Variants in TVP23C observed in about 807,000 individuals in gnomAD.
TVP23C encodes trans-golgi network vesicle protein 23 homolog C, also known as Golgi apparatus membrane protein TVP23 homolog C.
A neutral mutation model predicts 28.7 loss-of-function variants in TVP23C; 19 were observed. The ratio of observed to expected loss-of-function variants is 0.66; its 90% CI spans 0.46 to 0.97. The LOEUF is 0.97. TVP23C is among the 50% of genes least tolerant of loss of function. The probability of loss-of-function intolerance (pLI) is 0.00; values close to 1 mark genes in which losing one functional copy is unlikely to be tolerated. For missense variants in TVP23C, 186 were observed against 241.3 expected, an observed-to-expected ratio of 0.77 and a Z score of 1.52; for synonymous variants, 68 against 81.7, an observed-to-expected ratio of 0.83 and a Z score of 0.90.
downstream of TVP23C, among the ~76,000 whole-genome samples, chr17:15,532,397 G>A (rs1357526408): frequency 6.6e-6 from 1 of 152,140 alleles, no homozygotes; most frequent in Admixed American, 6.5e-5. Context: ...GGGGCGTCTT[G>A]GATAACTCCA....
chr17:15,557,126 AG>A (rs1984168745), intron 1 of TVP23C, among the ~76,000 whole-genome samples: 1 of 149,310 alleles, frequency 6.7e-6, no homozygotes, highest in South Asian at 2.2e-4. Flanking sequence ...CAAGTTTTTT[AG>A]CTCAAATACT....
Position 15,538,630 on chromosome 17 carries a change from G to T in TVP23C, c.*1782C>A. On this transcript the variant is annotated 3_prime_UTR_variant, in exon 6 of 6. Coordinates refer to ENST00000518321, the MANE Select transcript of TVP23C (RefSeq NM_001135036.2). ...AATAAAAAAGTAGACATGCGCTAAT[G>T]AAGTAAATCCATGGATACCATCATC... 1 of 985,272 alleles carries T rather than the reference G, an allele frequency of 1.0e-6. No individual in the cohort carries two copies. Among genetic ancestry groups the T allele is most frequent in the Non-Finnish European group, 1.2e-6 (1 of 829,874 alleles). The allele number at this position is 985,272 out of a possible 1,614,324, so 61.0% of individuals were successfully genotyped here. A position where few individuals can be genotyped will look rare whatever the true frequency, so the allele number is the denominator to read the frequency against.
At chr17:15,502,806 T>TC (rs1385759331) in exon 6 of TVP23C, 99 of 1,453,600 alleles carry the variant, frequency 6.8e-5, no homozygotes, top group African/African-American at 6.0e-4. Flanking sequence ...CTCTCCTCTC[T>TC]CTCCTCTCTC....
chr17:15,555,464 T>G (rs1984089730), intron 1 of TVP23C, 100 bp from the exon 2 acceptor site: 1 of 1,511,678 alleles, frequency 6.6e-7, no homozygotes, highest in Admixed American at 1.9e-5. Context: ...GAAGATAAAA[T>G]AATGTGGTTA....
chr17:15,552,059 C>G (rs988158818), intron 3 of TVP23C, among the ~76,000 whole-genome samples: 2 of 152,080 alleles, frequency 1.3e-5, no homozygotes, highest in African/African-American at 2.4e-5. Flanking sequence ...AGAAAATAAA[C>G]TATTTTGATC....
chr17:15,525,826 T>C (rs142951948), intron 5 of TVP23C, among the ~76,000 whole-genome samples: 8,356 of 152,262 alleles, frequency 0.055, 767 homozygotes, highest in African/African-American at 0.19. Flanking sequence ...ACTGTCCAGA[T>C]AGGAACCTTG....
intron 5 of TVP23C, among the ~76,000 whole-genome samples, chr17:15,528,268 T>C (rs560545722): frequency 1.4e-4 from 21 of 152,342 alleles, no homozygotes; most frequent in African/African-American, 4.8e-4. Context: ...CTGTTATATA[T>C]GCATCCCATA....
At chr17:15,557,224 C>G (rs1984171779) in intron 1 of TVP23C, among the ~76,000 whole-genome samples, 2 of 148,762 alleles carry the variant, frequency 1.3e-5, no homozygotes, top group South Asian at 4.3e-4. Flanking sequence ...TCAGAGTATT[C>G]TTATTGCACA....
At chr17:15,559,434 C>T (rs1984280911) in intron 1 of TVP23C, among the ~76,000 whole-genome samples, 1 of 147,506 alleles carries the variant, frequency 6.8e-6, no homozygotes, top group African/African-American at 2.4e-5. Flanking sequence ...TGATTTTGGA[C>T]ATTTTAAGAT....
In TVP23C at chr17:15,553,706, C is replaced by G. The variant is rs750431869; in HGVS notation, c.219G>C (p.Ser73=). The G allele has an allele frequency of 1.2e-6, 2 of 1,610,248 alleles. No individual in the cohort carries two copies. Among genetic ancestry groups the G allele is most frequent in the Non-Finnish European group, 8.5e-7 (1 of 1,179,058 alleles). Residue 73 remains serine, a synonymous_variant, in exon 3 of 6, where the codon TCG becomes TCC. Coordinates refer to ENST00000518321, the MANE Select transcript of TVP23C (RefSeq NM_001135036.2). ...TTACCTTCACTGCCCAAAAGTCACA[C>G]GACAACAACAAGATAATTGTAACCA... is the stretch of plus-strand genomic sequence containing the variant. The part of the protein sequence containing the change: ...TCMVTIILLL[S]CDFWAVKNVT...
chr17:15,525,439 C>T (rs1982679910), intron 5 of TVP23C, among the ~76,000 whole-genome samples: 1 of 152,238 alleles, frequency 6.6e-6, no homozygotes, highest in Non-Finnish European at 1.5e-5. Flanking sequence ...AATCTGTTAA[C>T]ACTGAGTAAA....
At chr17:15,534,608 CA>C (rs1352465710), downstream of TVP23C, among the ~76,000 whole-genome samples, 7,104 of 147,954 alleles carry the variant, frequency 0.048, 340 homozygotes, top group African/African-American at 0.17. Flanking sequence ...CACACACACA[CA>C]CACCCTTACC....
At chr17:15,552,508 C>T (rs1983938367) in intron 3 of TVP23C, among the ~76,000 whole-genome samples, 1 of 150,668 alleles carries the variant, frequency 6.6e-6, no homozygotes. Context: ...ATGGAGAAAC[C>T]CCGTCTGTAC....
At chr17:15,507,756 G>A (rs1276564608) in intron 5 of TVP23C, among the ~76,000 whole-genome samples, 6 of 152,038 alleles carry the variant, frequency 3.9e-5, no homozygotes, top group African/African-American at 7.2e-5. Flanking sequence ...GGAGAATGGC[G>A]TGAACCCAGG....
At chr17:15,507,333 G>A in intron 5 of TVP23C, 1 of 755,896 alleles carries the variant, frequency 1.3e-6, no homozygotes, top group Non-Finnish European at 2.4e-6. Flanking sequence ...GATCACCATT[G>A]CTGACTGGAC....
chr17:15,559,175 T>C (rs1370519020), intron 1 of TVP23C, among the ~76,000 whole-genome samples: 1 of 147,648 alleles, frequency 6.8e-6, no homozygotes, highest in African/African-American at 2.4e-5. Flanking sequence ...CCCCGTCAGG[T>C]TCTTTTGCAC....
chr17:15,537,994 T>C lies in TVP23C; in HGVS notation c.*2418A>G. On this transcript the variant is annotated 3_prime_UTR_variant, in exon 6 of 6. Coordinates refer to ENST00000518321, the MANE Select transcript of TVP23C (RefSeq NM_001135036.2). ...TTAATATGAAAACTACTTTTCCTTT[T>C]TATAAATAAAGTTTTTAAGTGGAAA... 1 of 1,491,084 alleles carries C rather than the reference T, an allele frequency of 6.7e-7. No homozygotes were observed. Among genetic ancestry groups the C allele is most frequent in the Non-Finnish European group, 8.9e-7 (1 of 1,120,802 alleles). The allele number at this position is 1,491,084 out of a possible 1,614,324, so 92.4% of individuals were successfully genotyped here.
intron 5 of TVP23C, among the ~76,000 whole-genome samples, chr17:15,519,818 C>T (rs1473687486): frequency 1.3e-5 from 2 of 152,182 alleles, no homozygotes; most frequent in Non-Finnish European, 2.9e-5. Context: ...AGGAGAATGG[C>T]ATGAACCCGG....
At chr17:15,504,214 T>C (rs1382008967) in intron 5 of TVP23C, among the ~76,000 whole-genome samples, 2 of 152,192 alleles carry the variant, frequency 1.3e-5, no homozygotes, top group African/African-American at 4.8e-5. Flanking sequence ...TACTGGGCTT[T>C]ATATTCCTGC....
Sources: gnomAD v4.1 joint callset for allele counts (sites outside exome capture counted in the v4.1 genomes callset) on GRCh38, gnomAD v4.1.1 for gene constraint, MANE v1.5 for transcripts, NCBI Gene and HGNC (gene_info 2026-07-23, HGNC 2026-07-21) for gene names.